ATP7B: variants seen among roughly 807,000 people sequenced by gnomAD.
ATP7B encodes the protein copper-transporting ATPase 2.
In ATP7B, 113 loss-of-function variants were observed where a neutral mutation model predicts 118.9. That is an observed-to-expected ratio of 0.95 (90% CI 0.82 to 1.11). The LOEUF (loss-of-function observed/expected upper bound fraction) is 1.11, where lower values mean the gene tolerates loss of function less well. ATP7B is among the 50% of genes most tolerant of loss of function. The probability of loss-of-function intolerance (pLI) is 0.00; values close to 1 mark genes in which losing one functional copy is unlikely to be tolerated. For missense variants in ATP7B, 1,867 were observed against 1,871.4 expected (o/e 1.00, Z 0.04); for synonymous variants, 777 against 727.4 (o/e 1.07, Z -1.10).
chr13:52,005,233 CTTTCT>C (rs1953710146), intron 1 of ATP7B, among the ~76,000 whole-genome samples: 1 of 152,200 alleles, frequency 6.6e-6, no homozygotes, highest in South Asian at 2.1e-4. Context: ...TTTTCCAAAT[CTTTCT>C]AAGTTCTGCT....
chr13:51,999,239 G>C (rs1319285817), intron 1 of ATP7B, among the ~76,000 whole-genome samples: 2 of 152,196 alleles, frequency 1.3e-5, no homozygotes, highest in African/African-American at 4.8e-5. Context: ...CAGTAGCAAA[G>C]AGCAGTATTC....
intron 5 of ATP7B, among the ~76,000 whole-genome samples, chr13:51,963,749 A>AAC (rs200936857): frequency 0.019 from 2,778 of 149,432 alleles, 87 homozygotes; most frequent in African/African-American, 0.065. Context: ...AAAAAAAAAA[A>AAC]AAAAAAAAAA....
intron 1 of ATP7B, among the ~76,000 whole-genome samples, chr13:52,005,376 C>T (rs1427107721): frequency 6.6e-6 from 1 of 152,214 alleles, no homozygotes; most frequent in African/African-American, 2.4e-5. Flanking sequence ...TATCCTAGTT[C>T]ATCACTCTTC....
intron 9 of ATP7B, among the ~76,000 whole-genome samples, chr13:51,954,088 T>A (rs1050112235): frequency 1.3e-5 from 2 of 152,094 alleles, no homozygotes; most frequent in Non-Finnish European, 2.9e-5. Flanking sequence ...GCCTGGGGAA[T>A]CAGGAAAGGC....
chr13:51,995,499 C>T (rs779678236), intron 1 of ATP7B, among the ~76,000 whole-genome samples: 2 of 152,198 alleles, frequency 1.3e-5, no homozygotes, highest in Non-Finnish European at 2.9e-5. Flanking sequence ...CTCAGAGTTG[C>T]CAGGAAGGAC....
intron 7 of ATP7B, 102 bp from the exon 8 acceptor site, chr13:51,958,646 T>C: frequency 2.1e-6 from 2 of 963,324 alleles, no homozygotes; most frequent in Non-Finnish European, 3.3e-6. Context: ...TCTAGCTTTG[T>C]GCACAGTCGT....
At chr13:51,945,236 A>T (rs1957573179) in intron 13 of ATP7B, among the ~76,000 whole-genome samples, 1 of 152,198 alleles carries the variant, frequency 6.6e-6, no homozygotes, top group African/African-American at 2.4e-5. Flanking sequence ...GCTAACGTTC[A>T]GAACACTTTA....
intron 16 of ATP7B, 81 bp from the exon 17 acceptor site, chr13:51,939,274 C>T: frequency 6.3e-7 from 1 of 1,585,170 alleles, no homozygotes; most frequent in Non-Finnish European, 8.6e-7. Context: ...ATGTTCTCAT[C>T]ATATAATATT....
chr13:51,993,107 T>C (rs945008857), intron 1 of ATP7B, among the ~76,000 whole-genome samples: 4 of 151,930 alleles, frequency 2.6e-5, no homozygotes, highest in African/African-American at 9.7e-5. Flanking sequence ...CCCATATTTA[T>C]TTTAAAAATA....
rs561139788 is a variant in ATP7B, at chr13:51,953,851, T to TAAAAAAAAAAAAAAAAAAAAA, written c.2448-3453_2448-3452insTTTTTTTTTTTTTTTTTTTTT. Among the ~76,000 whole-genome samples the TAAAAAAAAAAAAAAAAAAAAA allele has an allele frequency of 2.6e-3, 241 of 94,154 alleles. 17 individuals carry two copies. Among genetic ancestry groups the TAAAAAAAAAAAAAAAAAAAAA allele is most frequent in the African/African-American group, 9.3e-3 (214 of 23,126 alleles). 61.8% of individuals were successfully genotyped at this position (94,154 alleles called of 152,430 possible). On this transcript the variant is annotated intron_variant, in intron 9 of 20. Coordinates refer to ENST00000242839, the MANE Select transcript of ATP7B (RefSeq NM_000053.4). ...TTGTAATTTGTTTCCCCATCAATTG[T>TAAAAAAAAAAAAAAAAAAAAA]AAAAAAAAAAAAAAAAACCAGAAAA...
intron 1 of ATP7B, among the ~76,000 whole-genome samples, chr13:51,977,300 CT>C (rs1315400352): frequency 1.3e-5 from 2 of 151,520 alleles, no homozygotes; most frequent in Non-Finnish European, 2.9e-5. Flanking sequence ...CACTGGACAG[CT>C]TTATCAAATA....
intron 16 of ATP7B, 43 bp downstream of exon 16, chr13:51,941,038 T>C (rs748423761): frequency 3.1e-6 from 5 of 1,613,130 alleles, no homozygotes; most frequent in Non-Finnish European, 2.5e-6. Flanking sequence ...TGCAGAAAAC[T>C]GTATTTCTGA....
intron 2 of ATP7B, among the ~76,000 whole-genome samples, chr13:51,972,618 G>A (rs548425266): frequency 6.1e-4 from 93 of 152,196 alleles, no homozygotes; most frequent in South Asian, 1.0e-3. Context: ...GGCCTCCTAC[G>A]TGGTCTCATT....
rs181530146 is a variant in ATP7B, at chr13:51,990,802, G to A, written c.52-15634C>T. 6.3e-4 allele frequency among the ~76,000 whole-genome samples: 96 copies of A among 152,264 alleles called. No individual in the cohort carries two copies. The East Asian group carries it at 0.014, about 23-fold the overall frequency. On this transcript the variant is annotated intron_variant, in intron 1 of 20. Transcript: ENST00000242839. ...ATTTCAACTAGGCAAAAATAAAACC[G>A]AACCCACCCTGGCACAATGGCTCAT...
At chr13:51,945,305 C>T (rs1957577944) in intron 13 of ATP7B, among the ~76,000 whole-genome samples, 1 of 152,166 alleles carries the variant, frequency 6.6e-6, no homozygotes, top group African/African-American at 2.4e-5. Flanking sequence ...TCTGGTTCCT[C>T]TCTCTCAATG....
At chr13:51,996,116 C>A (rs761040790) in intron 1 of ATP7B, among the ~76,000 whole-genome samples, 4 of 152,186 alleles carry the variant, frequency 2.6e-5, no homozygotes, top group African/African-American at 7.2e-5. Context: ...ATTTCCTAGG[C>A]AACATGACTT....
chr13:51,942,658 G>A, intron 14 of ATP7B, 104 bp from the exon 15 acceptor site: 1 of 1,418,824 alleles, frequency 7.0e-7, no homozygotes, highest in South Asian at 1.2e-5. Context: ...TGGCAAGAGA[G>A]CAGCGGAAAG....
chr13:51,967,956 T>C (rs753276564), intron 4 of ATP7B, among the ~76,000 whole-genome samples: 7 of 152,348 alleles, frequency 4.6e-5, no homozygotes, highest in South Asian at 4.1e-4. Flanking sequence ...CCCCTCAGAC[T>C]GAGTGTTGTG....
intron 9 of ATP7B, among the ~76,000 whole-genome samples, chr13:51,957,074 GAAT>G (rs1035605171): frequency 7.2e-5 from 11 of 152,068 alleles, no homozygotes; most frequent in African/African-American, 2.7e-4. Flanking sequence ...GAGTTTCCAG[GAAT>G]AATAATAATT....
Sources: gnomAD v4.1 joint callset for allele counts (sites outside exome capture counted in the v4.1 genomes callset) on GRCh38, gnomAD v4.1.1 for gene constraint, MANE v1.5 for transcripts, NCBI Gene and HGNC (gene_info 2026-07-23, HGNC 2026-07-21) for gene names.